The following ELOVL6 variants were observed in gnomAD, a reference collection of about 807,000 sequenced individuals.
The protein encoded by ELOVL6 is ELOVL fatty acid elongase 6.
In ELOVL6, 8 loss-of-function variants were observed where a neutral mutation model predicts 31.7. The observed-to-expected ratio is 0.25, with a 90% CI of 0.15 to 0.45. The LOEUF (loss-of-function observed/expected upper bound fraction) is 0.45. Among genes scored for constraint, ELOVL6 ranks in the 20% least tolerant of loss-of-function variants. ELOVL6 has a pLI of 1.00. For missense variants in ELOVL6, 126 were observed against 326.4 expected (o/e 0.39, Z 4.73); for synonymous variants, 101 against 117.7 (o/e 0.86, Z 0.92).
In ELOVL6 at chr4:110,082,886, A is replaced by AT. The variant is rs1560812405; in HGVS notation, c.221+22610_221+22611insA. ...GAATATGGACTCAACAATTATCCACAAACGCTTTTAACAGCTCCATAGAAA... is the reference window on the plus strand; with the variant it reads ...GAATATGGACTCAACAATTATCCACATAACGCTTTTAACAGCTCCATAGAAA... On this transcript the variant is annotated intron_variant, in intron 2 of 3. Coordinates refer to ENST00000302274, the MANE Select transcript of ELOVL6 (RefSeq NM_024090.3). Among the ~76,000 whole-genome samples the AT allele has an allele frequency of 1.3e-4, 19 of 149,112 alleles. 1 individual carries two copies. Among genetic ancestry groups the AT allele is most frequent in the African/African-American group, 4.7e-4 (18 of 38,584 alleles).
intron 2 of ELOVL6, among the ~76,000 whole-genome samples, chr4:110,078,221 T>C (rs1332075595): frequency 6.6e-6 from 1 of 152,186 alleles, no homozygotes; most frequent in African/African-American, 2.4e-5. Flanking sequence ...AACATTCATA[T>C]TCAGGAAATA....
chr4:110,099,705 G>T (rs1264283955), intron 2 of ELOVL6, among the ~76,000 whole-genome samples: 4 of 152,176 alleles, frequency 2.6e-5, no homozygotes, highest in African/African-American at 9.7e-5. Flanking sequence ...CTGATGAAAA[G>T]AAAACACTGC....
intron 1 of ELOVL6, among the ~76,000 whole-genome samples, chr4:110,111,901 A>G (rs975011827): frequency 6.6e-6 from 1 of 152,218 alleles, no homozygotes; most frequent in African/African-American, 2.4e-5. Context: ...CTGTATCTGC[A>G]CCTCAAGTTT....
intron 1 of ELOVL6, among the ~76,000 whole-genome samples, chr4:110,196,933 C>T (rs918535930): frequency 7.9e-5 from 12 of 152,190 alleles, no homozygotes; most frequent in African/African-American, 2.7e-4. Context: ...TGGCCGGCGA[C>T]TCCAGGGGGC....
intron 1 of ELOVL6, among the ~76,000 whole-genome samples, chr4:110,179,254 C>T (rs1014265688): frequency 1.3e-5 from 2 of 152,138 alleles, no homozygotes; most frequent in East Asian, 1.9e-4. Context: ...CCTGTAATCC[C>T]AGCATTTAAG....
chr4:110,092,029 AG>A (rs1426341872), intron 2 of ELOVL6, among the ~76,000 whole-genome samples: 4 of 152,214 alleles, frequency 2.6e-5, no homozygotes, highest in African/African-American at 9.7e-5. Flanking sequence ...GATAACAAGA[AG>A]GGATCAAACA....
chr4:110,149,901 A>C (rs913513173), intron 1 of ELOVL6, among the ~76,000 whole-genome samples: 1 of 152,202 alleles, frequency 6.6e-6, no homozygotes, highest in African/African-American at 2.4e-5. Context: ...TATCCTATAG[A>C]TTTTTGAGAG....
chr4:110,065,869 TA>T (rs992962369), intron 2 of ELOVL6, among the ~76,000 whole-genome samples: 6 of 151,978 alleles, frequency 3.9e-5, no homozygotes, highest in Non-Finnish European at 7.4e-5. Context: ...ATAGTTGATT[TA>T]AAAAAAAATT....
chr4:110,112,598 T>A (rs1436306774), intron 1 of ELOVL6, among the ~76,000 whole-genome samples: 1 of 151,988 alleles, frequency 6.6e-6, no homozygotes, highest in Non-Finnish European at 1.5e-5. Context: ...CCGGGCTGAG[T>A]GTGGTGGCTC....
At chr4:110,085,814 A>G (rs1020370335) in intron 2 of ELOVL6, among the ~76,000 whole-genome samples, 1 of 152,142 alleles carries the variant, frequency 6.6e-6, no homozygotes, top group Non-Finnish European at 1.5e-5. Context: ...TCCAGTTTCA[A>G]GTGAATTCTC....
chr4:110,084,371 T>C (rs1343075465), intron 2 of ELOVL6, among the ~76,000 whole-genome samples: 1 of 115,396 alleles, frequency 8.7e-6, no homozygotes, highest in Non-Finnish European at 1.8e-5. Flanking sequence ...GCATATATGA[T>C]ATATGATATA....
intron 1 of ELOVL6, among the ~76,000 whole-genome samples, chr4:110,125,343 C>CT (rs1345353842): frequency 6.6e-6 from 1 of 152,028 alleles, no homozygotes; most frequent in Non-Finnish European, 1.5e-5. Context: ...AACATAAACA[C>CT]TTTTTTAAAA....
chr4:110,191,857 A>G (rs1759631751), intron 1 of ELOVL6, among the ~76,000 whole-genome samples: 1 of 152,024 alleles, frequency 6.6e-6, no homozygotes, highest in African/African-American at 2.4e-5. Context: ...GTATTTCAAA[A>G]CCTCCGTCCC....
chr4:110,126,582 T>C (rs557368275), intron 1 of ELOVL6, among the ~76,000 whole-genome samples: 1 of 152,328 alleles, frequency 6.6e-6, no homozygotes, highest in East Asian at 1.9e-4. Context: ...GCTAGTCATC[T>C]AACAACCCTA....
chr4:110,077,354 G>A (rs1755672717), intron 2 of ELOVL6, among the ~76,000 whole-genome samples: 2 of 152,162 alleles, frequency 1.3e-5, no homozygotes, highest in African/African-American at 4.8e-5. Context: ...GGGACAGACT[G>A]ACACCTCACA....
chr4:110,087,066 A>AG (rs1364602300), intron 2 of ELOVL6, among the ~76,000 whole-genome samples: 1 of 152,100 alleles, frequency 6.6e-6, no homozygotes, highest in Non-Finnish European at 1.5e-5. Flanking sequence ...TATTCTCAAG[A>AG]GGGGGAGCCT....
At chr4:110,084,276 T>C (rs1055138604) in intron 2 of ELOVL6, among the ~76,000 whole-genome samples, 1 of 127,510 alleles carries the variant, frequency 7.8e-6, no homozygotes, top group African/African-American at 3.1e-5. Context: ...ATGTGATATA[T>C]AACATATATA....
At chr4:110,057,316 A>G (rs1755013721) in intron 3 of ELOVL6, among the ~76,000 whole-genome samples, 1 of 149,992 alleles carries the variant, frequency 6.7e-6, no homozygotes, top group African/African-American at 2.5e-5. Context: ...TACTGGCATG[A>G]TTATTTCTTA....
intron 2 of ELOVL6, among the ~76,000 whole-genome samples, chr4:110,065,101 T>C (rs550356041): frequency 2.0e-5 from 3 of 152,250 alleles, no homozygotes; most frequent in East Asian, 1.9e-4. Flanking sequence ...AATAAATATA[T>C]ATGTATAACA....
Sources: gnomAD v4.1 joint callset for allele counts (sites outside exome capture counted in the v4.1 genomes callset) on GRCh38, gnomAD v4.1.1 for gene constraint, MANE v1.5 for transcripts, NCBI Gene and HGNC (gene_info 2026-07-23, HGNC 2026-07-21) for gene names.